GALNT1: variants seen among roughly 807,000 people sequenced by gnomAD.
GALNT1 encodes GalNAc transferase 1.
A neutral mutation model predicts 65.7 loss-of-function variants in GALNT1; 17 were observed. The ratio of observed to expected loss-of-function variants is 0.26; its 90% CI spans 0.18 to 0.39. The LOEUF is 0.39. Ranked by LOEUF, GALNT1 falls within the 10% of genes least tolerant of loss-of-function variation. GALNT1 has a pLI of 1.00. For synonymous variants in GALNT1, 210 were observed against 219.7 expected, an observed-to-expected ratio of 0.96 and a Z score of 0.39; for missense variants, 460 against 672.8, an observed-to-expected ratio of 0.68 and a Z score of 3.50.
Position 35,585,958 on chromosome 18 carries a change from GTCTT to G in GALNT1, c.-104+4098_-104+4101del, listed in dbSNP as rs2046373753. ...GTGTATAGGTTTTTGTGTGAACAGA[GTCTT>G]TATTTCTCTGGGATATATGCCCAGG... On this transcript the variant is annotated intron_variant, in intron 1 of 11. Transcript: ENST00000269195. Among the ~76,000 whole-genome samples the G allele has an allele frequency of 2.0e-5, 3 of 152,208 alleles. No individual in the cohort carries two copies. The South Asian group carries it at 6.2e-4, about 32-fold the overall frequency.
intron 1 of GALNT1, among the ~76,000 whole-genome samples, chr18:35,630,566 A>G (rs988140148): frequency 3.3e-5 from 5 of 152,236 alleles, no homozygotes; most frequent in Non-Finnish European, 7.3e-5. Context: ...GTGTAGAGGG[A>G]AATTTATAGC....
chr18:35,685,130 A>AAGTACTACAAGGAAAATT (rs1193617631), intron 5 of GALNT1, among the ~76,000 whole-genome samples: 3 of 152,124 alleles, frequency 2.0e-5, no homozygotes, highest in Non-Finnish European at 2.9e-5. Context: ...AAAACCAGAA[A>AAGTACTACAAGGAAAATT]AGTACTACAA....
At chr18:35,611,077 A>G (rs150892024) in intron 1 of GALNT1, among the ~76,000 whole-genome samples, 191 of 152,236 alleles carry the variant, frequency 1.3e-3, no homozygotes, top group Middle Eastern at 3.4e-3. Context: ...TTTGTACTAC[A>G]TTTTCAGAAC....
At chr18:35,658,980 G>A (rs56142224) in intron 2 of GALNT1, among the ~76,000 whole-genome samples, 3 of 152,034 alleles carry the variant, frequency 2.0e-5, no homozygotes, top group Non-Finnish European at 2.9e-5. Flanking sequence ...AAAGTGCTGG[G>A]ATTACAGGAG....
At chr18:35,646,629 G>A (rs1370626621) in intron 1 of GALNT1, among the ~76,000 whole-genome samples, 3 of 152,194 alleles carry the variant, frequency 2.0e-5, no homozygotes, top group Admixed American at 2.0e-4. Context: ...GCCATAGAGT[G>A]TTTAATGACT....
At chr18:35,629,531 C>T (rs1250699504) in intron 1 of GALNT1, among the ~76,000 whole-genome samples, 1 of 152,110 alleles carries the variant, frequency 6.6e-6, no homozygotes, top group Non-Finnish European at 1.5e-5. Context: ...GATTTTGTCA[C>T]CACCAGGCCT....
Position 35,689,504 on chromosome 18 carries a change from A to AACTT in GALNT1, c.978+217_978+220dup, listed in dbSNP as rs2047922487. 3.9e-5 allele frequency among the ~76,000 whole-genome samples: 6 copies of AACTT among 152,296 alleles called. No individual in the cohort carries two copies. In the South Asian group the frequency reaches 1.0e-3, roughly 26 times the overall value. ...AGTTACCTTTGAAGTTCAGCTATAA[A>AACTT]ACTTACACAAGATTCCCTAGTTGTT... On this transcript the variant is annotated intron_variant, in intron 7 of 11. Coordinates refer to ENST00000269195, the MANE Select transcript of GALNT1 (RefSeq NM_020474.4).
chr18:35,670,603 C>A (rs1030366532), intron 3 of GALNT1, among the ~76,000 whole-genome samples: 3 of 152,144 alleles, frequency 2.0e-5, no homozygotes, highest in Non-Finnish European at 4.4e-5. Flanking sequence ...GATGCAGTGC[C>A]AATCATAACC....
intron 1 of GALNT1, among the ~76,000 whole-genome samples, chr18:35,635,280 G>A (rs1172297018): frequency 6.6e-6 from 1 of 152,188 alleles, no homozygotes; most frequent in Non-Finnish European, 1.5e-5. Flanking sequence ...TTACAGTCCA[G>A]AGTTCTTACA....
intron 1 of GALNT1, among the ~76,000 whole-genome samples, chr18:35,605,265 T>C (rs77743939): frequency 0.016 from 2,409 of 152,144 alleles, 31 homozygotes; most frequent in African/African-American, 0.028. Context: ...TCCCAGCACC[T>C]TGGGAGGCCG....
chr18:35,658,008 G>A (rs1051824026), intron 2 of GALNT1, among the ~76,000 whole-genome samples: 1 of 152,172 alleles, frequency 6.6e-6, no homozygotes, highest in African/African-American at 2.4e-5. Context: ...AACGTGAAAA[G>A]GATTCTCCTC....
At chr18:35,608,142 A>T (rs1049161915) in intron 1 of GALNT1, among the ~76,000 whole-genome samples, 4 of 152,038 alleles carry the variant, frequency 2.6e-5, no homozygotes, top group African/African-American at 9.7e-5. Flanking sequence ...AATTTTTCTC[A>T]GTAATATTTT....
At chr18:35,647,517 C>G (rs1450446056) in intron 1 of GALNT1, among the ~76,000 whole-genome samples, 1 of 152,142 alleles carries the variant, frequency 6.6e-6, no homozygotes, top group Non-Finnish European at 1.5e-5. Context: ...AATCTAGGCT[C>G]TTTTATTTGT....
chr18:35,604,077 C>A (rs1411569241), intron 1 of GALNT1, among the ~76,000 whole-genome samples: 6 of 152,034 alleles, frequency 3.9e-5, no homozygotes, highest in Non-Finnish European at 8.8e-5. Context: ...CACCCTCCTC[C>A]CACCCTTCAC....
At chr18:35,627,642 T>A (rs975795617) in intron 1 of GALNT1, among the ~76,000 whole-genome samples, 12 of 152,060 alleles carry the variant, frequency 7.9e-5, no homozygotes, top group African/African-American at 2.4e-4. Context: ...CAGCTCCCAG[T>A]GTGAGCGACA....
chr18:35,619,225 G>C (rs2046821730), intron 1 of GALNT1, among the ~76,000 whole-genome samples: 1 of 152,010 alleles, frequency 6.6e-6, no homozygotes, highest in African/African-American at 2.4e-5. Context: ...AAATATTTCA[G>C]GCTATTATTA....
chr18:35,603,533 A>G (rs988809927), intron 1 of GALNT1, among the ~76,000 whole-genome samples: 4 of 152,172 alleles, frequency 2.6e-5, no homozygotes, highest in African/African-American at 9.7e-5. Context: ...AAATGGTAGC[A>G]TCATGTATTT....
intron 1 of GALNT1, among the ~76,000 whole-genome samples, chr18:35,582,883 G>T (rs564773909): frequency 6.6e-6 from 1 of 152,300 alleles, no homozygotes; most frequent in South Asian, 2.1e-4. Flanking sequence ...CAGCGTGGGA[G>T]CCACTAACCA....
In GALNT1 at chr18:35,654,808, G is replaced by A; in HGVS notation, c.139+7G>A. The A allele has an allele frequency of 6.5e-7, 1 of 1,545,790 alleles. No individual in the cohort carries two copies. Among genetic ancestry groups the A allele is most frequent in the Non-Finnish European group, 8.7e-7 (1 of 1,142,964 alleles). On this transcript the variant is annotated splice_region_variant and intron_variant, in intron 2 of 11. Coordinates refer to ENST00000269195, the MANE Select transcript of GALNT1 (RefSeq NM_020474.4). ...GGACTTCCTGCTGGAGATGGTGAGTGACATTTTATAATAGAGCTGTTTTAA... is the reference window on the plus strand; with the variant it reads ...GGACTTCCTGCTGGAGATGGTGAGTAACATTTTATAATAGAGCTGTTTTAA...
Sources: gnomAD v4.1 joint callset for allele counts (sites outside exome capture counted in the v4.1 genomes callset) on GRCh38, gnomAD v4.1.1 for gene constraint, MANE v1.5 for transcripts, NCBI Gene and HGNC (gene_info 2026-07-23, HGNC 2026-07-21) for gene names.